KIAA1217: variants seen among roughly 807,000 people sequenced by gnomAD.
KIAA1217 encodes KIAA1217, also known as sickle tail protein homolog.
In KIAA1217, 88 loss-of-function variants were observed where a neutral mutation model predicts 163.9. That is an observed-to-expected ratio of 0.54 (90% CI 0.45 to 0.64). The LOEUF is 0.64. Ranked by LOEUF, KIAA1217 falls within the 30% of genes least tolerant of loss-of-function variation. The pLI, the probability that KIAA1217 is intolerant of heterozygous loss-of-function variation, is 0.00. For synonymous variants in KIAA1217, 903 were observed against 923.1 expected, an observed-to-expected ratio of 0.98 and a Z score of 0.39; for missense variants, 2,372 against 2,475.0, an observed-to-expected ratio of 0.96 and a Z score of 0.88.
intron 5 of KIAA1217, among the ~76,000 whole-genome samples, chr10:24,447,596 C>T (rs905924086): frequency 6.6e-6 from 1 of 152,154 alleles, no homozygotes; most frequent in Non-Finnish European, 1.5e-5. Context: ...CGGACAATGC[C>T]CTGCCCTGAG....
intron 2 of KIAA1217, among the ~76,000 whole-genome samples, chr10:24,130,115 G>A (rs1205862194): frequency 6.6e-6 from 1 of 152,036 alleles, no homozygotes; most frequent in Admixed American, 6.6e-5. Context: ...CAGTGTACAA[G>A]TTATAACTCA....
intron 5 of KIAA1217, among the ~76,000 whole-genome samples, chr10:24,442,823 C>T (rs562258879): frequency 6.6e-6 from 1 of 152,252 alleles, no homozygotes; most frequent in East Asian, 1.9e-4. Context: ...TTTGCAAGGC[C>T]TCTAACAGAT....
At chr10:24,495,085 T>TAAAA (rs71506836) in intron 7 of KIAA1217, 62 bp from the exon 8 acceptor site, 118 of 1,234,340 alleles carry the variant, frequency 9.6e-5, no homozygotes, top group East Asian at 1.7e-4. Flanking sequence ...GAATGGGCTT[T>TAAAA]AAAAAAAAAA....
At chr10:23,810,852 T>C (rs1313150434) in intron 1 of KIAA1217, among the ~76,000 whole-genome samples, 1 of 123,244 alleles carries the variant, frequency 8.1e-6, no homozygotes, top group African/African-American at 3.2e-5. Context: ...GGTATATATA[T>C]TATATAGTAT....
intron 2 of KIAA1217, among the ~76,000 whole-genome samples, chr10:24,155,300 G>A (rs2064824433): frequency 6.6e-6 from 1 of 152,138 alleles, no homozygotes; most frequent in Admixed American, 6.5e-5. Context: ...AACTCTCTGA[G>A]TTGGGCAACT....
At chr10:24,307,760 G>A (rs566456124) in intron 2 of KIAA1217, among the ~76,000 whole-genome samples, 4 of 152,250 alleles carry the variant, frequency 2.6e-5, no homozygotes, top group Admixed American at 2.6e-4. Flanking sequence ...TAGCCTTGGT[G>A]ACAGAGTGAG....
chr10:23,950,056 G>A (rs1163774245), intron 1 of KIAA1217, among the ~76,000 whole-genome samples: 3 of 152,102 alleles, frequency 2.0e-5, no homozygotes, highest in African/African-American at 2.4e-5. Flanking sequence ...AATTGCAATC[G>A]TTCAGGGCCA....
chr10:24,269,177 T>G (rs2076537564), intron 2 of KIAA1217, among the ~76,000 whole-genome samples: 1 of 129,284 alleles, frequency 7.7e-6, no homozygotes, highest in African/African-American at 3.0e-5. Context: ...ACCTGCACAA[T>G]GTGCACATGT....
chr10:24,532,674 C>T (rs1303128953), intron 15 of KIAA1217, among the ~76,000 whole-genome samples: 1 of 152,092 alleles, frequency 6.6e-6, no homozygotes, highest in African/African-American at 2.4e-5. Context: ...GGTCCGATCT[C>T]GTGAGACTTA....
At chr10:24,541,722 T>G (rs969551974) in intron 17 of KIAA1217, among the ~76,000 whole-genome samples, 1 of 152,212 alleles carries the variant, frequency 6.6e-6, no homozygotes, top group African/African-American at 2.4e-5. Flanking sequence ...TGAAGCGCCT[T>G]GAATACCTGG....
At chr10:23,895,692 C>T (rs1841653858) in intron 1 of KIAA1217, among the ~76,000 whole-genome samples, 1 of 152,002 alleles carries the variant, frequency 6.6e-6, no homozygotes, top group South Asian at 2.1e-4. Flanking sequence ...CACATGCACA[C>T]GTATGTTTAT....
chr10:24,207,784 C>T (rs571326081), upstream of KIAA1217, among the ~76,000 whole-genome samples: 25 of 152,304 alleles, frequency 1.6e-4, no homozygotes, highest in African/African-American at 5.8e-4. Flanking sequence ...GGCCTACATC[C>T]TTTGTCTGTT....
At chr10:23,794,145 A>G (rs1326598752) in intron 1 of KIAA1217, among the ~76,000 whole-genome samples, 2 of 152,148 alleles carry the variant, frequency 1.3e-5, no homozygotes, top group East Asian at 3.9e-4. Context: ...GCAGTAAGAA[A>G]TGTGTCATGT....
At chr10:23,790,496 C>T (rs373549083) in intron 1 of KIAA1217, among the ~76,000 whole-genome samples, 6 of 90,932 alleles carry the variant, frequency 6.6e-5, no homozygotes, top group South Asian at 3.2e-4. Flanking sequence ...TACATATATA[C>T]ATGTGCATAT....
At chr10:23,933,165 C>T (rs981826914) in intron 1 of KIAA1217, among the ~76,000 whole-genome samples, 1 of 152,206 alleles carries the variant, frequency 6.6e-6, no homozygotes, top group African/African-American at 2.4e-5. Flanking sequence ...AGGGTCTGCT[C>T]GCTTGCATCC....
intron 2 of KIAA1217, among the ~76,000 whole-genome samples, chr10:24,175,634 C>T (rs1308196991): frequency 3.3e-5 from 5 of 152,080 alleles, no homozygotes; most frequent in African/African-American, 9.7e-5. Flanking sequence ...CATGGACCCT[C>T]GCGGTGAGTG....
intron 3 of KIAA1217, among the ~76,000 whole-genome samples, chr10:24,385,974 G>A (rs1193733464): frequency 6.6e-6 from 1 of 152,152 alleles, no homozygotes; most frequent in Admixed American, 6.5e-5. Flanking sequence ...TGGCCACTGC[G>A]TAGTCGGCCT....
chr10:23,704,454 C>G (rs1836748637), intron 1 of KIAA1217, among the ~76,000 whole-genome samples: 1 of 151,758 alleles, frequency 6.6e-6, no homozygotes, highest in South Asian at 2.1e-4. Context: ...TTGCGGTTCC[C>G]TTCTTACCTT....
intron 6 of KIAA1217, among the ~76,000 whole-genome samples, chr10:24,477,698 A>G (rs996215645): frequency 2.0e-5 from 3 of 152,256 alleles, no homozygotes; most frequent in African/African-American, 4.8e-5. Flanking sequence ...TAGCTAGTAT[A>G]TTAGCACAAT....
Sources: allele counts gnomAD v4.1 joint callset (sites outside exome capture counted in the v4.1 genomes callset), GRCh38; gene constraint gnomAD v4.1.1; transcripts MANE v1.5; gene names NCBI Gene and HGNC (gene_info 2026-07-23, HGNC 2026-07-21).